Variants in ANKRD44 observed in about 807,000 individuals in gnomAD.
ANKRD44 encodes ankyrin repeat domain 44, also known as serine/threonine-protein phosphatase 6 regulatory ankyrin repeat subunit B.
In ANKRD44, 35 loss-of-function variants were observed where a neutral mutation model predicts 116.0. That is an observed-to-expected ratio of 0.30 (90% CI 0.23 to 0.40). The LOEUF (loss-of-function observed/expected upper bound fraction) is 0.40, where lower values mean the gene tolerates loss of function less well. Ranked by LOEUF, ANKRD44 falls within the 10% of genes least tolerant of loss-of-function variation. The pLI, the probability that ANKRD44 is intolerant of heterozygous loss-of-function variation, is 1.00. For synonymous variants in ANKRD44, 435 were observed against 461.8 expected, an observed-to-expected ratio of 0.94 and a Z score of 0.74; for missense variants, 1,014 against 1,242.6, an observed-to-expected ratio of 0.82 and a Z score of 2.77.
chr2:197,258,946 C>T (rs948842029), intron 1 of ANKRD44, among the ~76,000 whole-genome samples: 2 of 152,142 alleles, frequency 1.3e-5, no homozygotes, highest in African/African-American at 2.4e-5. Context: ...AGTAGATATT[C>T]ATGAAGTGCT....
At chr2:197,303,720 AGTAATC>A (rs1475925138) in intron 1 of ANKRD44, among the ~76,000 whole-genome samples, 2 of 152,250 alleles carry the variant, frequency 1.3e-5, no homozygotes, top group African/African-American at 4.8e-5. Context: ...TTATCGACTT[AGTAATC>A]CCTGAAACAG....
chr2:197,232,617 T>G (rs1426667799), intron 1 of ANKRD44, among the ~76,000 whole-genome samples: 2 of 152,210 alleles, frequency 1.3e-5, no homozygotes. Flanking sequence ...CTTGTGCAAG[T>G]GCTGGTTTTG....
chr2:197,166,714 A>G (rs1379177973), intron 2 of ANKRD44, among the ~76,000 whole-genome samples: 1 of 152,128 alleles, frequency 6.6e-6, no homozygotes, highest in Non-Finnish European at 1.5e-5. Context: ...GCACGGAGAG[A>G]TTAATTACCT....
chr2:197,286,498 C>T (rs1236167583), intron 1 of ANKRD44, among the ~76,000 whole-genome samples: 1 of 151,834 alleles, frequency 6.6e-6, no homozygotes, highest in Non-Finnish European at 1.5e-5. Flanking sequence ...TCTCAGCCTC[C>T]CCAGTAGCTA....
At chr2:197,290,902 GT>G (rs989095793) in intron 1 of ANKRD44, among the ~76,000 whole-genome samples, 1 of 151,038 alleles carries the variant, frequency 6.6e-6, no homozygotes, top group Non-Finnish European at 1.5e-5. Flanking sequence ...AACCTCTGCA[GT>G]TTTTTTTTAA....
At chr2:197,059,234 G>A (rs1398373963) in intron 16 of ANKRD44, among the ~76,000 whole-genome samples, 7 of 152,024 alleles carry the variant, frequency 4.6e-5, no homozygotes, top group African/African-American at 1.7e-4. Flanking sequence ...TAACAGATTT[G>A]AATACAAAAA....
chr2:196,978,217 C>T (rs530137178), intron 21 of ANKRD44, among the ~76,000 whole-genome samples: 2 of 152,154 alleles, frequency 1.3e-5, no homozygotes, highest in South Asian at 4.1e-4. Context: ...TGTGTTCTTG[C>T]TCTGAGTTCA....
chr2:197,231,467 CAATT>C (rs2081860939), intron 1 of ANKRD44, among the ~76,000 whole-genome samples: 1 of 152,098 alleles, frequency 6.6e-6, no homozygotes, highest in Admixed American at 6.6e-5. Context: ...AATTATCAAT[CAATT>C]AAGAATGTCC....
chr2:197,165,123 G>GGC (rs1461601024), intron 2 of ANKRD44, among the ~76,000 whole-genome samples: 5 of 152,204 alleles, frequency 3.3e-5, no homozygotes, highest in African/African-American at 1.2e-4. Context: ...AATGTTGCCG[G>GGC]TTAGGATTTA....
intron 1 of ANKRD44, among the ~76,000 whole-genome samples, chr2:197,273,759 A>G (rs1032442050): frequency 2.6e-5 from 4 of 152,032 alleles, no homozygotes; most frequent in Non-Finnish European, 4.4e-5. Flanking sequence ...TGAAGGCCTA[A>G]GGCCCTAAAT....
intron 1 of ANKRD44, among the ~76,000 whole-genome samples, chr2:197,222,548 C>T (rs2081608593): frequency 6.6e-6 from 1 of 152,128 alleles, no homozygotes; most frequent in Admixed American, 6.5e-5. Flanking sequence ...CTGTTTTCCC[C>T]TTGTTGGTTT....
At chr2:197,122,937 TCAA>T in intron 6 of ANKRD44, 145 bp from the exon 7 acceptor site, 1 of 910,448 alleles carries the variant, frequency 1.1e-6, no homozygotes, top group Non-Finnish European at 1.6e-6. Context: ...TGGCAACTAT[TCAA>T]CAAATATTTA....
At chr2:197,061,415 G>A (rs1435016090) in intron 16 of ANKRD44, among the ~76,000 whole-genome samples, 2 of 152,212 alleles carry the variant, frequency 1.3e-5, no homozygotes, top group Admixed American at 1.3e-4. Flanking sequence ...AGTGGGCAGC[G>A]ATTGGAGCAG....
chr2:197,180,086 C>T lies in ANKRD44; in HGVS notation c.111+6937G>A, dbSNP rs575828909. Among the ~76,000 whole-genome samples the T allele has an allele frequency of 7.9e-5, 12 of 151,260 alleles. No individual in the cohort carries two copies. The South Asian group carries it at 1.9e-3, about 24-fold the overall frequency. On this transcript the variant is annotated intron_variant, in intron 2 of 27. Coordinates refer to ENST00000282272, the MANE Select transcript of ANKRD44 (RefSeq NM_001195144.2). ...CTCCCCCACCCCGGCCCCTAATCAG[C>T]GAGCCAGAAACAGTGTCAACGTTTA...
chr2:197,204,574 G>T (rs1252033662), intron 1 of ANKRD44, among the ~76,000 whole-genome samples: 1 of 152,146 alleles, frequency 6.6e-6, no homozygotes, highest in Non-Finnish European at 1.5e-5. Context: ...CCTGTCCAAA[G>T]ATAAAATTGT....
chr2:197,113,450 A>G (rs2078636778), intron 8 of ANKRD44, among the ~76,000 whole-genome samples: 1 of 152,254 alleles, frequency 6.6e-6, no homozygotes, highest in Non-Finnish European at 1.5e-5. Flanking sequence ...TTCTCTTAAT[A>G]TGAAACCATA....
intron 16 of ANKRD44, among the ~76,000 whole-genome samples, chr2:197,048,175 A>G (rs890091003): frequency 6.6e-6 from 1 of 152,052 alleles, no homozygotes; most frequent in Non-Finnish European, 1.5e-5. Flanking sequence ...AAATAGACCT[A>G]TTTTTAATGT....
At chr2:197,094,028 A>G (rs1055456146) in intron 10 of ANKRD44, among the ~76,000 whole-genome samples, 5 of 152,210 alleles carry the variant, frequency 3.3e-5, no homozygotes, top group African/African-American at 1.2e-4. Context: ...CAGTTATTTC[A>G]GAATAAATGA....
intron 17 of ANKRD44, 100 bp downstream of exon 17, chr2:197,025,096 A>G: frequency 8.3e-7 from 1 of 1,200,744 alleles, no homozygotes; most frequent in Non-Finnish European, 1.2e-6. Flanking sequence ...ACTACCACTC[A>G]TCACTGTGTT....
Sources: gnomAD v4.1 joint callset for allele counts (sites outside exome capture counted in the v4.1 genomes callset) on GRCh38, gnomAD v4.1.1 for gene constraint, MANE v1.5 for transcripts, NCBI Gene and HGNC (gene_info 2026-07-23, HGNC 2026-07-21) for gene names.